Variants in DCUN1D5 observed in about 807,000 individuals in gnomAD.
DCUN1D5 encodes the protein defective in cullin neddylation 1 domain containing 5, also known as DCN1-like protein 5.
Under a neutral mutation model 38.3 loss-of-function variants are expected in DCUN1D5, and 10 were observed. The ratio of observed to expected loss-of-function variants is 0.26; its 90% CI spans 0.16 to 0.44. DCUN1D5 has a LOEUF of 0.44. DCUN1D5 is among the 20% of genes least tolerant of loss of function. The probability of loss-of-function intolerance (pLI) is 1.00; values close to 1 mark genes in which losing one functional copy is unlikely to be tolerated. For missense variants in DCUN1D5, 148 were observed against 275.3 expected (o/e 0.54, Z 3.27); for synonymous variants, 93 against 90.9 (o/e 1.02, Z -0.13).
rs553128620 is a variant in DCUN1D5, at chr11:103,065,801, A to G, written c.555+468T>C. ...TATAGCCATTCTCATATTTGTGGCCATAAAATATTAATAGCTTTATTCTGT... is the reference window on the plus strand; with the variant it reads ...TATAGCCATTCTCATATTTGTGGCCGTAAAATATTAATAGCTTTATTCTGT... On this transcript the variant is annotated intron_variant, in intron 6 of 7. Transcript: ENST00000260247. This position sits in a 1 kb window ranked among gnomAD's most constrained non-coding sequence, Gnocchi z 4.6. Among the ~76,000 whole-genome samples the G allele has an allele frequency of 5.3e-5, 8 of 152,278 alleles. No homozygotes were observed. Among genetic ancestry groups the G allele is most frequent in the Admixed American group, 2.0e-4 (3 of 15,298 alleles).
At position 103,066,265 on chromosome 11, in the gene DCUN1D5, G is replaced by C. The variant is rs374037862; in HGVS notation, c.555+4C>G. ...ATTTTCAAAATTCGAAAAAACATAC[G>C]TACCTCCAGGTACTGGTAAAATACT... On this transcript the variant is annotated splice_donor_region_variant and intron_variant, in intron 6 of 7. Coordinates refer to ENST00000260247, the MANE Select transcript of DCUN1D5 (RefSeq NM_032299.4). The surrounding 1 kb of genome is among the most constrained non-coding windows in gnomAD (Gnocchi z 4.7). 4 of 1,524,948 alleles carry C rather than the reference G, an allele frequency of 2.6e-6. No homozygotes were observed. Among genetic ancestry groups the C allele is most frequent in the Non-Finnish European group, 3.5e-6 (4 of 1,132,130 alleles). The allele number at this position is 1,524,948 out of a possible 1,614,324, so 94.5% of individuals were successfully genotyped here. A position where few individuals can be genotyped will look rare whatever the true frequency, so the allele number is the denominator to read the frequency against.
rs1826063232 is a variant in DCUN1D5 at position 103,091,942 on chromosome 11, A to G, written c.-70T>C. ...GGTCCCTGTCCGCTGGAAGCCCCTC[A>G]GCGCTGGCACCCAGTTCCCAGAGAC... On this transcript the variant is annotated 5_prime_UTR_variant, in exon 1 of 8. Coordinates refer to ENST00000260247, the MANE Select transcript of DCUN1D5 (RefSeq NM_032299.4). This position sits in a 1 kb window ranked among gnomAD's most constrained non-coding sequence, Gnocchi z 4.3. 2.1e-6 allele frequency: 3 copies of G among 1,434,958 alleles called. No homozygotes were observed. Among genetic ancestry groups the G allele is most frequent in the Non-Finnish European group, 1.9e-6 (2 of 1,052,474 alleles). The allele number at this position is 1,434,958 out of a possible 1,614,324, so 88.9% of individuals were successfully genotyped here. A position where few individuals can be genotyped will look rare whatever the true frequency, so the allele number is the denominator to read the frequency against.
rs1422519600 is a variant in DCUN1D5, at chr11:103,054,613, T to A, written c.*7746A>T. 2 of 152,118 alleles carry A rather than the reference T, an allele frequency of 1.3e-5. No individual in the cohort carries two copies. Among genetic ancestry groups the A allele is most frequent in the Non-Finnish European group, 2.9e-5 (2 of 67,984 alleles). The allele number at this position is 152,118 out of a possible 1,614,324, so 9.4% of individuals were successfully genotyped here. On this transcript the variant is annotated 3_prime_UTR_variant, in exon 8 of 8. Transcript: ENST00000260247. ...ATTCATCTTTGTAGCCACGCTCATA[T>A]AATAATACCCAGCACATAGTTAATT... is the stretch of plus-strand genomic sequence containing the variant.
At chr11:103,080,522 G>C (rs190654716) in intron 4 of DCUN1D5, among the ~76,000 whole-genome samples, 1 of 151,984 alleles carries the variant, frequency 6.6e-6, no homozygotes, top group Non-Finnish European at 1.5e-5. Context: ...AAAAATCAAC[G>C]ATTTTCCAGG....
At position 103,057,095 on chromosome 11, in the gene DCUN1D5, G is replaced by A. The variant is rs1416831333; in HGVS notation, c.*5264C>T. Among the ~76,000 whole-genome samples, 2 of 152,038 alleles carry A rather than the reference G, an allele frequency of 1.3e-5. No homozygotes were observed. The highest frequency in any genetic ancestry group is 2.9e-5 in the Non-Finnish European group (2 of 68,012). ...TCTCTCTCAATAGGCATAGTTTCAG[G>A]GAATAATGTAAATTTCAAATAGGTA... On this transcript the variant is annotated 3_prime_UTR_variant, in exon 8 of 8. Transcript: ENST00000260247. This position sits in a 1 kb window ranked among gnomAD's most constrained non-coding sequence, Gnocchi z 4.8.
Position 103,066,950 on chromosome 11 carries a change from C to T in DCUN1D5, c.342-383G>A, listed in dbSNP as rs2509118. On this transcript the variant is annotated intron_variant, in intron 4 of 7. Coordinates refer to ENST00000260247, the MANE Select transcript of DCUN1D5 (RefSeq NM_032299.4). The surrounding 1 kb of genome is among the most constrained non-coding windows in gnomAD (Gnocchi z 4.7). ...TGAAACTAATCACGCCTTTGTCACA[C>T]ATTTCTTTAGAAAGTTCGTAGGTAA... Among the ~76,000 whole-genome samples, 48,182 of 152,078 alleles carry T rather than the reference C, an allele frequency of 0.32. 8,491 individuals carry two copies. The highest frequency in any genetic ancestry group is 0.48 in the African/African-American group (20,066 of 41,494).
rs901702715 is a variant in DCUN1D5 at position 103,073,411 on chromosome 11, A to G, written c.342-6844T>C. 3.3e-5 allele frequency among the ~76,000 whole-genome samples: 5 copies of G among 152,230 alleles called. No individual in the cohort carries two copies. Among genetic ancestry groups the G allele is most frequent in the Admixed American group, 2.0e-4 (3 of 15,282 alleles). ...GCTATTTAACCAAAATCTCAGCAAGATATTTTTGTAAAGAAAAGACTATTC... is the reference window on the plus strand; with the variant it reads ...GCTATTTAACCAAAATCTCAGCAAGGTATTTTTGTAAAGAAAAGACTATTC... On this transcript the variant is annotated intron_variant, in intron 4 of 7. Coordinates refer to ENST00000260247, the MANE Select transcript of DCUN1D5 (RefSeq NM_032299.4). The surrounding 1 kb of genome is among the most constrained non-coding windows in gnomAD (Gnocchi z 4.2).
At chr11:103,080,512 A>T (rs970509644) in intron 4 of DCUN1D5, among the ~76,000 whole-genome samples, 5 of 151,594 alleles carry the variant, frequency 3.3e-5, no homozygotes, top group African/African-American at 1.2e-4. Flanking sequence ...CATGAGGGAA[A>T]AAAATCAACG....
At chr11:103,080,878 G>C (rs111371977) in intron 4 of DCUN1D5, among the ~76,000 whole-genome samples, 1 of 152,108 alleles carries the variant, frequency 6.6e-6, no homozygotes, top group South Asian at 2.1e-4. Context: ...CGGGCGTGGA[G>C]GCACACGCCC....
Position 103,053,893 on chromosome 11 carries a change from A to T in DCUN1D5, c.*8466T>A, listed in dbSNP as rs2134586080. 1 of 152,274 alleles carries T rather than the reference A, an allele frequency of 6.6e-6. No individual in the cohort carries two copies. Among genetic ancestry groups the T allele is most frequent in the East Asian group, 1.9e-4 (1 of 5,196 alleles). The allele number at this position is 152,274 out of a possible 1,614,324, so 9.4% of individuals were successfully genotyped here. ...AGATAGCAAAGAGTAACTAATATTT[A>T]CTGCCTGTATTTCATTTCATCCTCA... On this transcript the variant is annotated 3_prime_UTR_variant, in exon 8 of 8. Coordinates refer to ENST00000260247, the MANE Select transcript of DCUN1D5 (RefSeq NM_032299.4). The surrounding 1 kb of genome is among the most constrained non-coding windows in gnomAD (Gnocchi z 4.8).
In DCUN1D5 at chr11:103,061,283, T is replaced by C. The variant is rs1201523925; in HGVS notation, c.*1076A>G. On this transcript the variant is annotated 3_prime_UTR_variant, in exon 8 of 8. Transcript: ENST00000260247. ...TGTTTCTGAAGTTGTGACTGGGCTA[T>C]GAATATGAACAAAGTTTTCATATCA... is the stretch of plus-strand genomic sequence containing the variant. 6.6e-6 allele frequency among the ~76,000 whole-genome samples: 1 copy of C among 152,164 alleles called. No homozygotes were observed. Among genetic ancestry groups the C allele is most frequent in the Non-Finnish European group, 1.5e-5 (1 of 68,012 alleles).
At position 103,063,068 on chromosome 11, in the gene DCUN1D5, T is replaced by C. The variant is rs1473613700; in HGVS notation, c.659-654A>G. 2.0e-5 allele frequency among the ~76,000 whole-genome samples: 3 copies of C among 152,092 alleles called. No individual in the cohort carries two copies. Among genetic ancestry groups the C allele is most frequent in the Non-Finnish European group, 2.9e-5 (2 of 67,968 alleles). Reference sequence around the variant, plus strand: ...GCTTTATTCTTCTTAAAACACATAATCCTCTGGTGGTCTTTTTCCATTGCT... The same window carrying C: ...GCTTTATTCTTCTTAAAACACATAACCCTCTGGTGGTCTTTTTCCATTGCT... On this transcript the variant is annotated intron_variant, in intron 7 of 7. Transcript: ENST00000260247. The surrounding 1 kb of genome is among the most constrained non-coding windows in gnomAD (Gnocchi z 4.6).
At position 103,066,393 on chromosome 11, in the gene DCUN1D5, G is replaced by A. The variant is rs1862134715; in HGVS notation, c.451-20C>T. On this transcript the variant is annotated intron_variant, in intron 5 of 7. Transcript: ENST00000260247. This position sits in a 1 kb window ranked among gnomAD's most constrained non-coding sequence, Gnocchi z 4.7. ...TTTATCCTAAAATATAAGTGAAAAAGTTTTCCTAAGTGTGGTCTCAAGATG... is the reference window on the plus strand; with the variant it reads ...TTTATCCTAAAATATAAGTGAAAAAATTTTCCTAAGTGTGGTCTCAAGATG... 1 of 1,599,058 alleles carries A rather than the reference G, an allele frequency of 6.3e-7. No homozygotes were observed. The highest frequency in any genetic ancestry group is 8.5e-7 in the Non-Finnish European group (1 of 1,171,754).
In DCUN1D5 at chr11:103,091,391, A is replaced by C. The variant is rs574661672; in HGVS notation, c.86+396T>G. On this transcript the variant is annotated intron_variant, in intron 1 of 7. Transcript: ENST00000260247. The surrounding 1 kb of genome is among the most constrained non-coding windows in gnomAD (Gnocchi z 4.3). ...TTCACACTCTACAAAGAAATTCTAG[A>C]AGTGACCCTTCTGCGGATATGTACT... 1 of 188,344 alleles carries C rather than the reference A, an allele frequency of 5.3e-6. No individual in the cohort carries two copies. The highest frequency in any genetic ancestry group is 5.5e-5 in the Admixed American group (1 of 18,036). The allele number at this position is 188,344 out of a possible 1,614,324, so 11.7% of individuals were successfully genotyped here.
At position 103,059,875 on chromosome 11, in the gene DCUN1D5, T is replaced by C. The variant is rs780781960; in HGVS notation, c.*2484A>G. 5.9e-5 allele frequency among the ~76,000 whole-genome samples: 9 copies of C among 152,192 alleles called. No homozygotes were observed. The highest frequency in any genetic ancestry group is 8.8e-5 in the Non-Finnish European group (6 of 68,032). On this transcript the variant is annotated 3_prime_UTR_variant, in exon 8 of 8. Transcript: ENST00000260247. ...CCATGTTATAAAGCACCATACGGTA[T>C]TTCATCCTGTACAAAGGGAAGTAGT...
Position 103,071,894 on chromosome 11 carries a change from A to C in DCUN1D5, c.342-5327T>G, listed in dbSNP as rs894528249. 6.6e-6 allele frequency among the ~76,000 whole-genome samples: 1 copy of C among 151,432 alleles called. No homozygotes were observed. The highest frequency in any genetic ancestry group is 6.6e-5 in the Admixed American group (1 of 15,260). ...AAAACATAAAAGATTAAGAAAATTT[A>C]AAATATTTAAAAAAAGAAAAATTTA... On this transcript the variant is annotated intron_variant, in intron 4 of 7. Transcript: ENST00000260247. The surrounding 1 kb of genome is among the most constrained non-coding windows in gnomAD (Gnocchi z 4.1).
rs760048042 is a variant in DCUN1D5, at chr11:103,062,422, AAAAG to A, written c.659-12_659-9del. On this transcript the variant is annotated splice_polypyrimidine_tract_variant and intron_variant, in intron 7 of 7. Coordinates refer to ENST00000260247, the MANE Select transcript of DCUN1D5 (RefSeq NM_032299.4). The surrounding 1 kb of genome is among the most constrained non-coding windows in gnomAD (Gnocchi z 4.6). ...CATCAAGAAGAACAGGCCCTAGAAA[AAAAG>A]AAACCATTTTTGTCAGAATTCAGTG... 11 of 1,610,126 alleles carry A rather than the reference AAAAG, an allele frequency of 6.8e-6. No homozygotes were observed. The highest frequency in any genetic ancestry group is 9.3e-6 in the Non-Finnish European group (11 of 1,178,770).
At chr11:103,074,163 G>C (rs117311757) in intron 4 of DCUN1D5, among the ~76,000 whole-genome samples, 4,325 of 152,234 alleles carry the variant, frequency 0.028, 89 homozygotes, top group Middle Eastern at 0.041. Flanking sequence ...CTCTGCAAAA[G>C]ACCTTGTTAC....
In DCUN1D5 at chr11:103,079,473, G is replaced by A. The variant is rs918335929; in HGVS notation, c.341+3275C>T. Reference sequence around the variant, plus strand: ...ATACTGGGCAAAGTGGCTTACGCCTGTAATTGCAACACTTTGGGAGGCCAA... The same window carrying A: ...ATACTGGGCAAAGTGGCTTACGCCTATAATTGCAACACTTTGGGAGGCCAA... On this transcript the variant is annotated intron_variant, in intron 4 of 7. Transcript: ENST00000260247. Among the ~76,000 whole-genome samples, 3 of 152,338 alleles carry A rather than the reference G, an allele frequency of 2.0e-5. No individual in the cohort carries two copies. The East Asian group carries it at 5.8e-4, about 29-fold the overall frequency.
Sources: gnomAD v4.1 joint callset for allele counts (sites outside exome capture counted in the v4.1 genomes callset) on GRCh38, gnomAD v4.1.1 for gene constraint, Gnocchi (gnomAD v3.1) non-coding constraint, MANE v1.5 for transcripts, NCBI Gene and HGNC (gene_info 2026-07-23, HGNC 2026-07-21) for gene names.